The following SYNPO2 variants were observed in gnomAD, a reference collection of about 807,000 sequenced individuals.
SYNPO2 encodes synaptopodin 2.
In SYNPO2, 56 loss-of-function variants were observed where a neutral mutation model predicts 85.0. The observed-to-expected ratio is 0.66, with a 90% CI of 0.53 to 0.82. SYNPO2 has a LOEUF of 0.82. Among genes scored for constraint, SYNPO2 ranks in the 40% least tolerant of loss-of-function variants. The probability of loss-of-function intolerance (pLI) is 0.00; values close to 1 mark genes in which losing one functional copy is unlikely to be tolerated. For missense variants in SYNPO2, 1,575 were observed against 1,534.2 expected, an observed-to-expected ratio of 1.03 and a Z score of -0.44; for synonymous variants, 602 against 591.1, an observed-to-expected ratio of 1.02 and a Z score of -0.27.
chr4:118,946,772 A>G (rs1156736907), intron 1 of SYNPO2, among the ~76,000 whole-genome samples: 1 of 152,250 alleles, frequency 6.6e-6, no homozygotes, highest in Non-Finnish European at 1.5e-5. Context: ...ATCCAAGATA[A>G]AATAATTTAG....
At chr4:118,892,570 A>C (rs1369943884) in intron 1 of SYNPO2, among the ~76,000 whole-genome samples, 1 of 152,194 alleles carries the variant, frequency 6.6e-6, no homozygotes, top group East Asian at 1.9e-4. Flanking sequence ...CTTTTGGCAA[A>C]TCACTTTGAA....
In SYNPO2 at chr4:119,057,615, T is replaced by A. The variant is rs773918484; in HGVS notation, c.3467T>A (p.Ile1156Asn). The A allele has an allele frequency of 1.9e-6, 3 of 1,613,962 alleles. No individual in the cohort carries two copies. Among genetic ancestry groups the A allele is most frequent in the Admixed American group, 1.7e-5 (1 of 59,998 alleles). ...CAACCCAGAAACATCCAGGAATCCA[T>A]TGTGGCAAATGTGGTTTCAGCAGCT... ...AFQPRNIQES[I>N]VANVVSAARR... The change falls in exon 5 of 5, where the codon ATT becomes AAT. Residue 1156 changes from isoleucine (I) to asparagine (N), a missense_variant. By Grantham distance (149) the Ile-to-Asn change is moderately radical. Transcript: ENST00000307142.
At chr4:118,856,192 T>A (rs888015609) in intron 1 of SYNPO2, among the ~76,000 whole-genome samples, 1 of 152,238 alleles carries the variant, frequency 6.6e-6, no homozygotes, top group African/African-American at 2.4e-5. Flanking sequence ...TAGCACTGTG[T>A]GCAAGTAACA....
At position 118,967,052 on chromosome 4, in the gene SYNPO2, A is replaced by T. The variant is rs80262897; in HGVS notation, c.106-56378A>T. On this transcript the variant is annotated intron_variant, in intron 1 of 4. Coordinates refer to ENST00000307142, the MANE Select transcript of SYNPO2 (RefSeq NM_133477.3). ...GATATGTTCCAGACAGGCACTAAAT[A>T]GTTTACAAAGATTAATTCTATGAAT... Among the ~76,000 whole-genome samples, 946 of 152,310 alleles carry T rather than the reference A, an allele frequency of 6.2e-3. 51 individuals are homozygous for T. In the East Asian group the frequency reaches 0.13, roughly 21 times the overall value.
At chr4:118,872,503 G>T (rs1731821028) in intron 1 of SYNPO2, among the ~76,000 whole-genome samples, 1 of 152,132 alleles carries the variant, frequency 6.6e-6, no homozygotes, top group Non-Finnish European at 1.5e-5. Flanking sequence ...AAAATGGCAA[G>T]AATAGTTTTT....
intron 1 of SYNPO2, among the ~76,000 whole-genome samples, chr4:118,940,572 G>A (rs1734272452): frequency 6.6e-6 from 1 of 152,040 alleles, no homozygotes; most frequent in Admixed American, 6.6e-5. Flanking sequence ...ACAAGATGGT[G>A]AGAAAACTGG....
chr4:118,993,072 C>T lies in SYNPO2; in HGVS notation c.106-30358C>T, dbSNP rs183014098. Among the ~76,000 whole-genome samples, 115 of 152,132 alleles carry T rather than the reference C, an allele frequency of 7.6e-4. 1 individual carries two copies. The Middle Eastern group carries it at 0.017, about 22-fold the overall frequency. On this transcript the variant is annotated intron_variant, in intron 1 of 4. Coordinates refer to ENST00000307142, the MANE Select transcript of SYNPO2 (RefSeq NM_133477.3). ...CTGCAAGATAATAAGAGTAGATATG[C>T]GAGTTAATGGGAAACCAGTGTTAGT... is the stretch of plus-strand genomic sequence containing the variant.
At chr4:118,942,529 T>C (rs1734350058) in intron 1 of SYNPO2, among the ~76,000 whole-genome samples, 1 of 152,226 alleles carries the variant, frequency 6.6e-6, no homozygotes, top group East Asian at 1.9e-4. Context: ...CATATTTTCA[T>C]TTACTTTAAA....
At chr4:118,987,639 A>G (rs1295241428) in intron 1 of SYNPO2, among the ~76,000 whole-genome samples, 6 of 150,584 alleles carry the variant, frequency 4.0e-5, no homozygotes, top group Non-Finnish European at 8.9e-5. Flanking sequence ...ACTGCAGCCC[A>G]CATGAAAAAA....
At chr4:118,957,312 A>G (rs1271748112) in intron 1 of SYNPO2, among the ~76,000 whole-genome samples, 2 of 152,208 alleles carry the variant, frequency 1.3e-5, no homozygotes, top group Admixed American at 1.3e-4. Context: ...GAAGAGGTAG[A>G]CTGGGTTCTG....
chr4:118,885,902 C>A (rs1021878440), upstream of SYNPO2, among the ~76,000 whole-genome samples: 1 of 152,180 alleles, frequency 6.6e-6, no homozygotes, highest in African/African-American at 2.4e-5. Flanking sequence ...TTCGGGCAGA[C>A]AAAAGTTCAA....
chr4:118,974,687 G>T (rs1434500257), intron 1 of SYNPO2, among the ~76,000 whole-genome samples: 1 of 152,094 alleles, frequency 6.6e-6, no homozygotes, highest in Admixed American at 6.5e-5. Context: ...CCCAGATTTT[G>T]ATTCTTTCCC....
At chr4:118,952,093 T>G (rs13130144) in intron 1 of SYNPO2, among the ~76,000 whole-genome samples, 57,181 of 151,956 alleles carry the variant, frequency 0.38, 10,883 homozygotes, top group East Asian at 0.57. Context: ...AGTGAAGGGT[T>G]ATGAGAGAAG....
At position 119,058,995 on chromosome 4, in the gene SYNPO2, A is replaced by G. The variant is rs970521341; in HGVS notation, c.*1061A>G. On this transcript the variant is annotated 3_prime_UTR_variant, in exon 5 of 5. Coordinates refer to ENST00000307142, the MANE Select transcript of SYNPO2 (RefSeq NM_133477.3). Reference sequence around the variant, plus strand: ...TTCAGGGGTCCCCATCTGTCAAATGAGAAGATTGGATTATCTAATCTTTTA... The same window carrying G: ...TTCAGGGGTCCCCATCTGTCAAATGGGAAGATTGGATTATCTAATCTTTTA... 11 of 152,178 alleles carry G rather than the reference A, an allele frequency of 7.2e-5. No homozygotes were observed. The highest frequency in any genetic ancestry group is 1.5e-4 in the Non-Finnish European group (10 of 68,030). The allele number at this position is 152,178 out of a possible 1,614,324, so 9.4% of individuals were successfully genotyped here. A position where few individuals can be genotyped will look rare whatever the true frequency, so the allele number is the denominator to read the frequency against.
chr4:119,036,279 G>T (rs1738507243), intron 4 of SYNPO2: 1 of 985,206 alleles, frequency 1.0e-6, no homozygotes, highest in South Asian at 4.7e-5. Context: ...TAAAATCAGG[G>T]TTGTTGAGTT....
chr4:118,921,049 C>T (rs1280635029), intron 1 of SYNPO2, among the ~76,000 whole-genome samples: 5 of 152,010 alleles, frequency 3.3e-5, no homozygotes, highest in East Asian at 1.9e-4. Context: ...GGACTACAAG[C>T]GCGCATCAAC....
intron 1 of SYNPO2, among the ~76,000 whole-genome samples, chr4:118,922,039 T>A (rs1298991438): frequency 6.6e-6 from 1 of 152,182 alleles, no homozygotes. Context: ...GCCTTGAGGG[T>A]TGGGACTGTA....
At chr4:119,006,685 G>A (rs1210469732) in intron 1 of SYNPO2, among the ~76,000 whole-genome samples, 1 of 152,100 alleles carries the variant, frequency 6.6e-6, no homozygotes, top group Non-Finnish European at 1.5e-5. Context: ...CAAAGAAGCA[G>A]GCAGGTTGTT....
intron 1 of SYNPO2, among the ~76,000 whole-genome samples, chr4:119,014,244 T>G (rs941849555): frequency 2.6e-5 from 4 of 152,164 alleles, no homozygotes; most frequent in East Asian, 1.9e-4. Context: ...TGAAATGTTA[T>G]CTCTACTAAA....
Sources: gnomAD v4.1 joint callset for allele counts (sites outside exome capture counted in the v4.1 genomes callset) on GRCh38, gnomAD v4.1.1 for gene constraint, MANE v1.5 for transcripts, NCBI Gene and HGNC (gene_info 2026-07-23, HGNC 2026-07-21) for gene names.